MLIP: variants seen among roughly 807,000 people sequenced by gnomAD.
MLIP encodes muscular LMNA interacting protein.
In MLIP, 79 loss-of-function variants were observed where a neutral mutation model predicts 84.8. The observed-to-expected ratio is 0.93, with a 90% CI of 0.78 to 1.12. MLIP has a LOEUF of 1.12. Ranked by LOEUF, MLIP falls within the 50% of genes most tolerant of loss-of-function variation. MLIP has a pLI of 0.00. For synonymous variants in MLIP, 504 were observed against 463.0 expected, an observed-to-expected ratio of 1.09 and a Z score of -1.14; for missense variants, 1,257 against 1,160.6, an observed-to-expected ratio of 1.08 and a Z score of -1.21.
At chr6:54,174,173 A>T (rs781583971) in intron 9 of MLIP, among the ~76,000 whole-genome samples, 1 of 152,020 alleles carries the variant, frequency 6.6e-6, no homozygotes, top group Non-Finnish European at 1.5e-5. Context: ...AATCTTAGAT[A>T]TTGTGAACAG....
At chr6:54,258,256 C>A (rs1783149456) in intron 13 of MLIP, among the ~76,000 whole-genome samples, 1 of 151,970 alleles carries the variant, frequency 6.6e-6, no homozygotes, top group Non-Finnish European at 1.5e-5. Flanking sequence ...TAATAAAATT[C>A]CACGTATAAT....
chr6:54,140,793 G>T (rs775163126), intron 4 of MLIP, among the ~76,000 whole-genome samples: 8 of 152,088 alleles, frequency 5.3e-5, no homozygotes, highest in Non-Finnish European at 7.4e-5. Flanking sequence ...TTGATGTTTG[G>T]CTAGTGTTTA....
intron 9 of MLIP, among the ~76,000 whole-genome samples, chr6:54,183,743 G>GTTTT (rs3996970): frequency 0.06 from 6,975 of 116,528 alleles, 488 homozygotes; most frequent in East Asian, 0.17. Flanking sequence ...GACAGGGTAA[G>GTTTT]TTTTTTTTTT....
chr6:54,180,083 A>T lies in MLIP; in HGVS notation c.2545-9787A>T, dbSNP rs563356003. Among the ~76,000 whole-genome samples the T allele has an allele frequency of 1.4e-3, 217 of 152,146 alleles. 1 individual carries two copies. Among genetic ancestry groups the T allele is most frequent in the African/African-American group, 5.2e-3 (215 of 41,524 alleles). ...TCACCAGATATACTATTCTTGGGTAAACTTTTTTGTTGTTGTTGTTTGTTT... is the reference window on the plus strand; with the variant it reads ...TCACCAGATATACTATTCTTGGGTATACTTTTTTGTTGTTGTTGTTTGTTT... On this transcript the variant is annotated intron_variant, in intron 9 of 13. Coordinates refer to ENST00000502396, the MANE Select transcript of MLIP (RefSeq NM_001281747.2).
chr6:54,086,463 C>T (rs1487841093), intron 1 of MLIP, among the ~76,000 whole-genome samples: 1 of 152,018 alleles, frequency 6.6e-6, no homozygotes, highest in East Asian at 1.9e-4. Flanking sequence ...TGCAAGGAAA[C>T]CTCCTTCATT....
intron 1 of MLIP, among the ~76,000 whole-genome samples, chr6:54,105,224 T>C (rs1768924509): frequency 6.6e-6 from 1 of 152,184 alleles, no homozygotes; most frequent in African/African-American, 2.4e-5. Flanking sequence ...TTTGTGGATA[T>C]GACTTACAAG....
chr6:54,027,120 T>A (rs1763849986), intron 1 of MLIP, among the ~76,000 whole-genome samples: 1 of 152,194 alleles, frequency 6.6e-6, no homozygotes, highest in Non-Finnish European at 1.5e-5. Flanking sequence ...TGTTATTAGA[T>A]GAAACCTTCC....
intron 1 of MLIP, among the ~76,000 whole-genome samples, chr6:54,083,199 A>G (rs1390447276): frequency 6.6e-6 from 1 of 151,950 alleles, no homozygotes; most frequent in Admixed American, 6.6e-5. Flanking sequence ...TACATATATT[A>G]ATATATACTA....
intron 10 of MLIP, among the ~76,000 whole-genome samples, chr6:54,192,316 T>C (rs981112813): frequency 6.6e-6 from 1 of 151,962 alleles, no homozygotes; most frequent in African/African-American, 2.4e-5. Flanking sequence ...AAAAATCTCT[T>C]CTACTGATAT....
chr6:54,060,249 A>AT (rs1256338887), intron 1 of MLIP, among the ~76,000 whole-genome samples: 1 of 152,212 alleles, frequency 6.6e-6, no homozygotes, highest in Non-Finnish European at 1.5e-5. Flanking sequence ...TGTTAAATAT[A>AT]TGGCATTCTT....
chr6:54,266,030 A>G lies in MLIP; in HGVS notation c.*75A>G. The stretch of plus-strand genomic sequence containing the variant: ...TGGTGCTAACCACTTGCTAGATTTA[A>G]CTTTTTTTTTTTTTTCCAGAATGAG... On this transcript the variant is annotated 3_prime_UTR_variant, in exon 14 of 14. Transcript: ENST00000502396. The G allele has an allele frequency of 2.0e-6, 3 of 1,467,624 alleles. No homozygotes were observed. The highest frequency in any genetic ancestry group is 2.0e-5 in the Admixed American group (1 of 49,200). 90.9% of individuals were successfully genotyped at this position (1,467,624 alleles called of 1,614,324 possible). A position where few individuals can be genotyped will look rare whatever the true frequency, so the allele number is the denominator to read the frequency against.
At chr6:54,220,730 G>A (rs1457835126) in intron 11 of MLIP, among the ~76,000 whole-genome samples, 3 of 151,258 alleles carry the variant, frequency 2.0e-5, no homozygotes, top group African/African-American at 7.3e-5. Flanking sequence ...CACAGAAAGT[G>A]ACATTTTGGA....
intron 11 of MLIP, among the ~76,000 whole-genome samples, chr6:54,213,730 A>AGAC (rs1173867582): frequency 1.3e-5 from 1 of 76,800 alleles, no homozygotes; most frequent in Non-Finnish European, 3.0e-5. Context: ...AAAAAAAAAA[A>AGAC]AAAAAACAAC....
intron 12 of MLIP, among the ~76,000 whole-genome samples, chr6:54,236,137 C>G (rs1015621762): frequency 6.6e-6 from 1 of 152,166 alleles, no homozygotes; most frequent in Non-Finnish European, 1.5e-5. Context: ...TTTGTGAGTT[C>G]ATCTACTCAC....
chr6:54,155,774 T>C (rs1773959284), intron 5 of MLIP, among the ~76,000 whole-genome samples: 2 of 152,104 alleles, frequency 1.3e-5, no homozygotes, highest in South Asian at 4.1e-4. Flanking sequence ...AGTTCAGAAA[T>C]TCTTTTCTGC....
chr6:54,063,271 A>G (rs964721795), intron 1 of MLIP: 29 of 151,196 alleles, frequency 1.9e-4, no homozygotes. Context: ...ACTTACCCAT[A>G]TTTCTCAGAT....
chr6:54,221,121 T>C (rs1268731645), intron 11 of MLIP, among the ~76,000 whole-genome samples: 1 of 152,138 alleles, frequency 6.6e-6, no homozygotes, highest in Non-Finnish European at 1.5e-5. Context: ...TATAATGCTC[T>C]ATCTCTCTGT....
intron 11 of MLIP, among the ~76,000 whole-genome samples, chr6:54,213,850 C>G (rs1779665708): frequency 1.3e-5 from 2 of 150,962 alleles, no homozygotes; most frequent in Admixed American, 1.3e-4. Flanking sequence ...TTGTAATTAG[C>G]TGATGTTTGT....
At chr6:54,030,553 A>G (rs75353643) in intron 1 of MLIP, 83 of 146,102 alleles carry the variant, frequency 5.7e-4, no homozygotes, top group African/African-American at 1.9e-3. Context: ...ATCTGATTCA[A>G]TACATTTTAA....
Sources: gnomAD v4.1 joint callset for allele counts (sites outside exome capture counted in the v4.1 genomes callset) on GRCh38, gnomAD v4.1.1 for gene constraint, MANE v1.5 for transcripts, NCBI Gene and HGNC (gene_info 2026-07-23, HGNC 2026-07-21) for gene names.